The following MYCBP2 variants were observed in gnomAD, a reference collection of about 807,000 sequenced individuals.
The protein encoded by MYCBP2 is MYC binding protein 2.
Under a neutral mutation model 525.3 loss-of-function variants are expected in MYCBP2, and 120 were observed. The observed-to-expected ratio is 0.23, with a 90% CI of 0.20 to 0.27. The LOEUF is 0.27. MYCBP2 is among the 10% of genes least tolerant of loss of function. MYCBP2 has a pLI of 1.00. For missense variants in MYCBP2, 4,149 were observed against 5,657.1 expected (o/e 0.73, Z 8.55); for synonymous variants, 1,894 against 1,955.8 (o/e 0.97, Z 0.83).
intron 1 of MYCBP2, among the ~76,000 whole-genome samples, chr13:77,320,481 C>A (rs936092431): frequency 1.3e-5 from 2 of 152,144 alleles, no homozygotes; most frequent in African/African-American, 2.4e-5. Flanking sequence ...GAAGAAATAA[C>A]AGAATTATTT....
chr13:77,178,035 A>G, intron 34 of MYCBP2, 81 bp from the exon 35 acceptor site: 1 of 842,926 alleles, frequency 1.2e-6, no homozygotes, highest in Non-Finnish European at 2.0e-6. Flanking sequence ...AAGTCTAATA[A>G]AATAACCTTT....
At chr13:77,207,218 G>A (rs1292504484) in intron 23 of MYCBP2, among the ~76,000 whole-genome samples, 1 of 152,114 alleles carries the variant, frequency 6.6e-6, no homozygotes, top group African/African-American at 2.4e-5. Context: ...CAATGTATAA[G>A]AGCTAGAAAC....
At position 77,098,661 on chromosome 13, in the gene MYCBP2, C is replaced by T; in HGVS notation, c.8493G>A (p.Arg2831=). ...GAGAACTAGCACCCGATGGGCTAGA[C>T]CTATTGGCTGGGAGAGTCTTTGGCT... ...SPKPKTLPAN[R]SSPSGASSPR... is the part of the protein sequence containing the mutation. Residue 2831 remains arginine (R), a synonymous_variant, in exon 56 of 83, where the codon AGG becomes AGA. Transcript: ENST00000544440. The T allele has an allele frequency of 6.2e-7, 1 of 1,613,448 alleles. No homozygotes were observed. Among genetic ancestry groups the T allele is most frequent in the Non-Finnish European group, 8.5e-7 (1 of 1,179,736 alleles).
At chr13:77,292,406 A>C (rs1453410869) in intron 2 of MYCBP2, among the ~76,000 whole-genome samples, 1 of 152,148 alleles carries the variant, frequency 6.6e-6, no homozygotes, top group African/African-American at 2.4e-5. Flanking sequence ...AAGAAAACTG[A>C]ACACACACAC....
chr13:77,235,473 T>C (rs2067780601), intron 17 of MYCBP2, among the ~76,000 whole-genome samples: 1 of 152,144 alleles, frequency 6.6e-6, no homozygotes, highest in African/African-American at 2.4e-5. Flanking sequence ...ACAGAGTATA[T>C]GTGATGGAGC....
intron 1 of MYCBP2, among the ~76,000 whole-genome samples, chr13:77,320,027 T>A (rs1395547306): frequency 6.6e-6 from 1 of 152,178 alleles, no homozygotes; most frequent in Non-Finnish European, 1.5e-5. Flanking sequence ...TGATCTGCAA[T>A]GCAGTCCCAG....
At chr13:77,121,640 T>C in intron 54 of MYCBP2, 145 bp from the exon 55 acceptor site, 1 of 722,234 alleles carries the variant, frequency 1.4e-6, no homozygotes, top group Non-Finnish European at 2.0e-6. Flanking sequence ...TAAATACCAG[T>C]CAGGTCATCT....
rs147903867 is a variant in MYCBP2 at position 77,150,862 on chromosome 13, G to T, written c.7003C>A (p.Pro2335Thr). The change falls in exon 47 of 83, where the codon CCT becomes ACT. Residue 2335 changes from proline to threonine, a missense_variant. Pro to Thr is a conservative substitution (Grantham distance 38, BLOSUM62 -1). This residue lies in a region of MYCBP2 where 692 missense variants were observed against 852.7 expected (regional missense o/e 0.81). Coordinates refer to ENST00000544440, the MANE Select transcript of MYCBP2 (RefSeq NM_015057.5). ...AKKPQRIPGSPAVTAASSNTD... is the reference protein window; with the variant it reads ...AKKPQRIPGSTAVTAASSNTD... ...TTAGAAGATGCAGCTGTTACTGCAGGACTGCCAGGAATCCTTTGAGGTTTC... is the reference window on the plus strand; with the variant it reads ...TTAGAAGATGCAGCTGTTACTGCAGTACTGCCAGGAATCCTTTGAGGTTTC... The T allele has an allele frequency of 2.6e-4, 417 of 1,613,992 alleles. No homozygotes were observed. The highest frequency in any genetic ancestry group is 3.4e-4 in the Non-Finnish European group (405 of 1,179,992).
intron 52 of MYCBP2, among the ~76,000 whole-genome samples, chr13:77,127,209 C>T (rs981146177): frequency 1.3e-5 from 2 of 151,794 alleles, no homozygotes; most frequent in Non-Finnish European, 2.9e-5. Context: ...TACATTAATG[C>T]TAGTAACAGA....
At chr13:77,319,050 C>A (rs2081286960) in intron 1 of MYCBP2, among the ~76,000 whole-genome samples, 1 of 152,026 alleles carries the variant, frequency 6.6e-6, no homozygotes, top group Non-Finnish European at 1.5e-5. Flanking sequence ...CTGAAATATC[C>A]CATGGTATTC....
At chr13:77,101,965 T>A (rs547950063) in intron 55 of MYCBP2, among the ~76,000 whole-genome samples, 68 of 152,120 alleles carry the variant, frequency 4.5e-4, no homozygotes, top group Middle Eastern at 3.4e-3. Flanking sequence ...TCTCCTAATT[T>A]ATTTAATGAC....
Position 77,067,148 on chromosome 13 carries a change from T to A in MYCBP2, c.12455+433A>T, listed in dbSNP as rs541644634. The stretch of plus-strand genomic sequence containing the variant: ...CTGTGTTTTGTTTAAGAAGGTCTTA[T>A]CAAATTGAAGATTACAAAAATATTC... On this transcript the variant is annotated intron_variant, in intron 71 of 82. Coordinates refer to ENST00000544440, the MANE Select transcript of MYCBP2 (RefSeq NM_015057.5). 6.6e-5 allele frequency among the ~76,000 whole-genome samples: 10 copies of A among 152,290 alleles called. No homozygotes were observed. The South Asian group carries it at 1.9e-3, about 28-fold the overall frequency.
At chr13:77,091,474 G>C (rs1405581789) in intron 59 of MYCBP2, among the ~76,000 whole-genome samples, 1 of 149,252 alleles carries the variant, frequency 6.7e-6, no homozygotes, top group African/African-American at 2.5e-5. Context: ...AGCAACACAA[G>C]AAAATCCAAA....
intron 55 of MYCBP2, among the ~76,000 whole-genome samples, chr13:77,120,278 G>A (rs1336735289): frequency 3.3e-5 from 5 of 152,096 alleles, no homozygotes; most frequent in East Asian, 1.9e-4. Flanking sequence ...TCAGGTACCC[G>A]AAGTAAGCGA....
At chr13:77,289,625 G>A (rs2077264969) in intron 2 of MYCBP2, among the ~76,000 whole-genome samples, 1 of 152,032 alleles carries the variant, frequency 6.6e-6, no homozygotes, top group Admixed American at 6.6e-5. Flanking sequence ...TTCCCTCTAA[G>A]ATTGTGATCC....
At chr13:77,213,161 C>T (rs904609261) in intron 21 of MYCBP2, among the ~76,000 whole-genome samples, 1 of 152,076 alleles carries the variant, frequency 6.6e-6, no homozygotes, top group African/African-American at 2.4e-5. Context: ...TATTTTTTGA[C>T]AAAAATAAGA....
At chr13:77,048,906 CT>C (rs1303038736) in intron 82 of MYCBP2, among the ~76,000 whole-genome samples, 1 of 152,120 alleles carries the variant, frequency 6.6e-6, no homozygotes, top group African/African-American at 2.4e-5. Context: ...ATTCTTATTT[CT>C]GTTTTTTAAC....
At chr13:77,286,776 AAAAAAAAAAAAAAATATATATAT>A (rs2076836454) in intron 3 of MYCBP2, among the ~76,000 whole-genome samples, 2 of 100,190 alleles carry the variant, frequency 2.0e-5, no homozygotes, top group African/African-American at 8.9e-5. Flanking sequence ...AAAAAAAAAA[AAAAAAAAAAAAAAATATATATAT>A]ATATATATAT....
intron 1 of MYCBP2, among the ~76,000 whole-genome samples, chr13:77,313,685 T>C (rs531784253): frequency 6.6e-6 from 1 of 151,968 alleles, no homozygotes; most frequent in African/African-American, 2.4e-5. Flanking sequence ...AAGGCACAGA[T>C]TGAAAGAAAA....
Sources: allele counts gnomAD v4.1 joint callset (sites outside exome capture counted in the v4.1 genomes callset), GRCh38; gene constraint gnomAD v4.1.1; regional missense constraint gnomAD v4.1.1; transcripts MANE v1.5; gene names NCBI Gene and HGNC (gene_info 2026-07-23, HGNC 2026-07-21).